AKAP6: variants seen among roughly 807,000 people sequenced by gnomAD.
AKAP6 encodes the protein A-kinase anchor protein 6.
Under a neutral mutation model 188.5 loss-of-function variants are expected in AKAP6, and 58 were observed. The ratio of observed to expected loss-of-function variants is 0.31; its 90% CI spans 0.25 to 0.38. AKAP6 has a LOEUF of 0.38. AKAP6 is among the 10% of genes least tolerant of loss of function. The pLI is 1.00. For missense variants in AKAP6, 2,710 were observed against 2,740.0 expected, an observed-to-expected ratio of 0.99 and a Z score of 0.24; for synonymous variants, 989 against 998.6, an observed-to-expected ratio of 0.99 and a Z score of 0.18.
At chr14:32,582,809 G>A (rs1293227346) in intron 5 of AKAP6, among the ~76,000 whole-genome samples, 14 of 151,978 alleles carry the variant, frequency 9.2e-5, no homozygotes, top group Non-Finnish European at 1.2e-4. Context: ...CATTCTTCAC[G>A]TAGTTCTCGA....
chr14:32,794,220 A>G (rs1001789803), intron 12 of AKAP6, among the ~76,000 whole-genome samples: 1 of 152,190 alleles, frequency 6.6e-6, no homozygotes, highest in Non-Finnish European at 1.5e-5. Context: ...GAAATTGAAA[A>G]ACATGCTCCT....
intron 9 of AKAP6, among the ~76,000 whole-genome samples, chr14:32,718,024 C>T (rs1184257092): frequency 6.6e-6 from 1 of 152,116 alleles, no homozygotes; most frequent in Non-Finnish European, 1.5e-5. Context: ...ACATTATACT[C>T]TTAGGGCCCA....
At chr14:32,454,443 A>T (rs1891049930) in intron 2 of AKAP6, among the ~76,000 whole-genome samples, 1 of 152,178 alleles carries the variant, frequency 6.6e-6, no homozygotes, top group Non-Finnish European at 1.5e-5. Flanking sequence ...GGCAGAGCTC[A>T]GCTTCTCATG....
At chr14:32,345,667 T>C (rs1887042790) in intron 1 of AKAP6, among the ~76,000 whole-genome samples, 1 of 152,202 alleles carries the variant, frequency 6.6e-6, no homozygotes, top group South Asian at 2.1e-4. Context: ...GGAGTGATTC[T>C]GATGTCAGTT....
intron 12 of AKAP6, among the ~76,000 whole-genome samples, chr14:32,820,066 T>A (rs141381482): frequency 2.5e-3 from 382 of 152,212 alleles, no homozygotes; most frequent in African/African-American, 8.6e-3. Context: ...GACAGTGCTA[T>A]CCCCATTTTA....
rs768362831 is a variant in AKAP6 at position 32,823,503 on chromosome 14, G to A, written c.5690G>A (p.Gly1897Asp). The change falls in exon 13 of 14, where the codon GGC becomes GAC. Residue 1897 changes from glycine to aspartate, a missense_variant. This residue lies in a region of AKAP6 where 2,473 missense variants were observed against 2,426.1 expected (regional missense o/e 1.02). Coordinates refer to ENST00000280979, the MANE Select transcript of AKAP6 (RefSeq NM_004274.5). ...CCATATGTGGCTGACATGGAAAATG[G>A]CAATATTGAAGGTATTCCAGAAAGG... ...KDPYVADMENGNIEGIPERQK... is the reference protein window; with the variant it reads ...KDPYVADMENDNIEGIPERQK... The A allele has an allele frequency of 5.6e-6, 9 of 1,613,514 alleles. No homozygotes were observed. The highest frequency in any genetic ancestry group is 7.6e-6 in the Non-Finnish European group (9 of 1,179,820).
Position 32,835,671 on chromosome 14 carries a change from C to G in AKAP6, c.*5866C>G, listed in dbSNP as rs2034867701. 1 of 152,028 alleles carries G rather than the reference C, an allele frequency of 6.6e-6. No homozygotes were observed. The highest frequency in any genetic ancestry group is 2.4e-5 in the African/African-American group (1 of 41,386). 9.4% of individuals were successfully genotyped at this position (152,028 alleles called of 1,614,324 possible). On this transcript the variant is annotated 3_prime_UTR_variant, in exon 14 of 14. Coordinates refer to ENST00000280979, the MANE Select transcript of AKAP6 (RefSeq NM_004274.5). ...TTCAGTTCCCAACTGCTGAATTTAC[C>G]AAGGAATTAAGTATTCACCACAAAC... is the stretch of plus-strand genomic sequence containing the variant.
At chr14:32,748,214 G>A (rs2031988808) in intron 11 of AKAP6, among the ~76,000 whole-genome samples, 1 of 152,170 alleles carries the variant, frequency 6.6e-6, no homozygotes, top group African/African-American at 2.4e-5. Context: ...GTATAGGATG[G>A]GAACAGTGAA....
chr14:32,391,540 G>T (rs189570447), intron 1 of AKAP6, among the ~76,000 whole-genome samples: 1 of 152,238 alleles, frequency 6.6e-6, no homozygotes, highest in East Asian at 1.9e-4. Flanking sequence ...CCTGACCATT[G>T]GGCAATTGAG....
At chr14:32,599,283 C>A in intron 5 of AKAP6, 127 bp from the exon 6 acceptor site, 1 of 691,508 alleles carries the variant, frequency 1.4e-6, no homozygotes, top group Non-Finnish European at 2.4e-6. Flanking sequence ...TTTAGTATTG[C>A]AAATTAGTTT....
chr14:32,577,166 C>A lies in AKAP6; in HGVS notation c.2393C>A (p.Ala798Asp). 6 of 1,612,036 alleles carry A rather than the reference C, an allele frequency of 3.7e-6. No homozygotes were observed. Among genetic ancestry groups the A allele is most frequent in the Non-Finnish European group, 5.1e-6 (6 of 1,179,002 alleles). Residue 798 changes from alanine to aspartate, a missense_variant, in exon 5 of 14, where the codon GCC (alanine) becomes GAC (aspartate). Coordinates refer to ENST00000280979, the MANE Select transcript of AKAP6 (RefSeq NM_004274.5). Reference protein sequence around the residue: ...LDEFIQWLNEAMETTENWTPP... With the variant: ...LDEFIQWLNEDMETTENWTPP... ...GAATTCATTCAATGGTTAAATGAAGCCATGGAAACTACAGAAAATTGGACT... is the reference window on the plus strand; with the variant it reads ...GAATTCATTCAATGGTTAAATGAAGACATGGAAACTACAGAAAATTGGACT...
At chr14:32,588,610 T>G (rs1338829463) in intron 5 of AKAP6, among the ~76,000 whole-genome samples, 1 of 152,188 alleles carries the variant, frequency 6.6e-6, no homozygotes, top group African/African-American at 2.4e-5. Context: ...TGTTGTTCCT[T>G]TTAAGATTGA....
intron 11 of AKAP6, among the ~76,000 whole-genome samples, chr14:32,769,544 C>T (rs1044092867): frequency 8.7e-6 from 1 of 114,816 alleles, no homozygotes; most frequent in African/African-American, 3.3e-5. Context: ...GTGGGAATTG[C>T]TTCATGGGTT....
intron 9 of AKAP6, chr14:32,726,054 T>A: frequency 3.2e-6 from 1 of 312,552 alleles, no homozygotes; most frequent in Non-Finnish European, 4.7e-6. Flanking sequence ...AGTCATGGTG[T>A]AATTATTTCT....
At chr14:32,487,761 T>A (rs2138930571) in intron 2 of AKAP6, among the ~76,000 whole-genome samples, 1 of 152,352 alleles carries the variant, frequency 6.6e-6, no homozygotes, top group Admixed American at 6.5e-5. Context: ...TTGATGCTAT[T>A]GCTTTCTGTT....
intron 1 of AKAP6, among the ~76,000 whole-genome samples, chr14:32,373,135 C>T (rs1888062143): frequency 6.6e-6 from 1 of 151,910 alleles, no homozygotes; most frequent in African/African-American, 2.4e-5. Flanking sequence ...CTAAGGGATT[C>T]ACCTTGCCTG....
chr14:32,337,161 G>C (rs1415974928), intron 1 of AKAP6, among the ~76,000 whole-genome samples: 1 of 152,200 alleles, frequency 6.6e-6, no homozygotes, highest in African/African-American at 2.4e-5. Context: ...GGTGGTATAT[G>C]ATGTGGTAGA....
intron 1 of AKAP6, among the ~76,000 whole-genome samples, chr14:32,369,362 G>A (rs1887937991): frequency 6.6e-6 from 1 of 152,218 alleles, no homozygotes; most frequent in African/African-American, 2.4e-5. Flanking sequence ...CATTAGATGT[G>A]TTACAGATTT....
intron 12 of AKAP6, among the ~76,000 whole-genome samples, chr14:32,790,760 T>C (rs2033583813): frequency 6.6e-6 from 1 of 152,088 alleles, no homozygotes; most frequent in African/African-American, 2.4e-5. Context: ...TAATGCTCTC[T>C]ATCCCCTTGC....
Sources: gnomAD v4.1 joint callset for allele counts (sites outside exome capture counted in the v4.1 genomes callset) on GRCh38, gnomAD v4.1.1 for gene constraint, gnomAD v4.1.1 regional missense constraint, MANE v1.5 for transcripts, NCBI Gene and HGNC (gene_info 2026-07-23, HGNC 2026-07-21) for gene names.